RBFOX1: variants seen among roughly 807,000 people sequenced by gnomAD.
RBFOX1 encodes RNA binding fox-1 homolog 1, also known as RNA binding protein fox-1 homolog 1.
A neutral mutation model predicts 57.7 loss-of-function variants in RBFOX1; 8 were observed. The observed-to-expected ratio is 0.14, with a 90% CI of 0.08 to 0.25. RBFOX1 has a LOEUF of 0.25. Among genes scored for constraint, RBFOX1 ranks in the 10% least tolerant of loss-of-function variants. The pLI is 1.00. For synonymous variants in RBFOX1, 326 were observed against 222.4 expected (o/e 1.47, Z -4.15); for missense variants, 611 against 548.5 (o/e 1.11, Z -1.14).
intron 4 of RBFOX1, among the ~76,000 whole-genome samples, chr16:7,170,268 G>A (rs2080424003): frequency 6.6e-6 from 1 of 152,058 alleles, no homozygotes; most frequent in South Asian, 2.1e-4. Flanking sequence ...CCTCACCACT[G>A]TTAATTGAGC....
At chr16:5,800,644 C>G (rs944574261) in intron 3 of RBFOX1, among the ~76,000 whole-genome samples, 1 of 152,150 alleles carries the variant, frequency 6.6e-6, no homozygotes, top group Admixed American at 6.5e-5. Context: ...GGCCTATTAC[C>G]TAGTTTCACG....
intron 2 of RBFOX1, among the ~76,000 whole-genome samples, chr16:6,405,987 C>T (rs1175729365): frequency 2.0e-5 from 3 of 152,204 alleles, no homozygotes; most frequent in African/African-American, 7.2e-5. Context: ...ATACTGTGTG[C>T]AGGAAGGTGA....
chr16:6,967,073 A>G (rs1450656809), intron 3 of RBFOX1, among the ~76,000 whole-genome samples: 3 of 152,108 alleles, frequency 2.0e-5, no homozygotes, highest in Non-Finnish European at 2.9e-5. Context: ...ATATCTATAC[A>G]TTCATCCACC....
At chr16:5,920,255 A>T (rs1747765859) in intron 4 of RBFOX1, among the ~76,000 whole-genome samples, 1 of 152,160 alleles carries the variant, frequency 6.6e-6, no homozygotes, top group Non-Finnish European at 1.5e-5. Context: ...TCCTTTCTGT[A>T]GAAGGAAGTA....
intron 4 of RBFOX1, among the ~76,000 whole-genome samples, chr16:7,242,849 G>A (rs1322829210): frequency 6.6e-6 from 1 of 152,180 alleles, no homozygotes; most frequent in African/African-American, 2.4e-5. Flanking sequence ...TTTGGACTGT[G>A]CTGGTGAGAG....
At chr16:6,629,955 G>T (rs2098362312) in intron 2 of RBFOX1, among the ~76,000 whole-genome samples, 1 of 123,614 alleles carries the variant, frequency 8.1e-6, no homozygotes. Context: ...CCTTATTTCG[G>T]TAGGTTTTTT....
At chr16:5,314,610 C>A (rs1016061411) in intron 1 of RBFOX1, among the ~76,000 whole-genome samples, 1 of 152,170 alleles carries the variant, frequency 6.6e-6, no homozygotes, top group Non-Finnish European at 1.5e-5. Context: ...AAGTGATCCT[C>A]CTTTCTCAGC....
chr16:6,519,592 T>G (rs1275090413), intron 2 of RBFOX1, among the ~76,000 whole-genome samples: 1 of 152,054 alleles, frequency 6.6e-6, no homozygotes, highest in Non-Finnish European at 1.5e-5. Flanking sequence ...TTCCAGCTAC[T>G]CAGGAGGCTG....
At chr16:6,606,538 C>T (rs1274215734) in intron 2 of RBFOX1, among the ~76,000 whole-genome samples, 2 of 152,050 alleles carry the variant, frequency 1.3e-5, no homozygotes, top group Non-Finnish European at 2.9e-5. Context: ...TCTACGAGGC[C>T]CCATTGTGTG....
rs147347772 is a variant in RBFOX1, at chr16:6,488,620, T to C, written c.-63-165983T>C. 4.7e-3 allele frequency among the ~76,000 whole-genome samples: 714 copies of C among 152,330 alleles called. 4 individuals carry two copies. Among genetic ancestry groups the C allele is most frequent in the Non-Finnish European group, 8.0e-3 (544 of 68,030 alleles). ...CTGATTCCAATATGCTAAGATACCA[T>C]TGAAGTTTATTAATCTGAGTTTAGA... On this transcript the variant is annotated intron_variant, in intron 2 of 15. Coordinates refer to ENST00000550418, the MANE Select transcript of RBFOX1 (RefSeq NM_018723.4).
intron 12 of RBFOX1, among the ~76,000 whole-genome samples, chr16:7,658,923 C>T (rs1427918413): frequency 6.6e-6 from 1 of 152,182 alleles, no homozygotes; most frequent in African/African-American, 2.4e-5. Flanking sequence ...CAGGGTTTCA[C>T]CATATTGGCC....
intron 2 of RBFOX1, among the ~76,000 whole-genome samples, chr16:5,510,177 A>T (rs2043532358): frequency 6.6e-6 from 1 of 152,194 alleles, no homozygotes; most frequent in African/African-American, 2.4e-5. Context: ...CAGTTTCCTC[A>T]TGGCTAAAAT....
chr16:6,713,843 C>T (rs971138835), intron 3 of RBFOX1, among the ~76,000 whole-genome samples: 1 of 152,150 alleles, frequency 6.6e-6, no homozygotes, highest in African/African-American at 2.4e-5. Flanking sequence ...AGGGTGATGG[C>T]AAGATCCTTG....
chr16:7,326,727 A>G (rs1307910274), intron 4 of RBFOX1, among the ~76,000 whole-genome samples: 1 of 152,004 alleles, frequency 6.6e-6, no homozygotes, highest in Non-Finnish European at 1.5e-5. Context: ...AGAAACATAA[A>G]AGGGCGACAG....
intron 1 of RBFOX1, among the ~76,000 whole-genome samples, chr16:6,156,371 T>C (rs1387554256): frequency 6.6e-6 from 1 of 152,210 alleles, no homozygotes; most frequent in Non-Finnish European, 1.5e-5. Flanking sequence ...GAATCATGGT[T>C]GGCTTTGACT....
Position 5,639,195 on chromosome 16 carries a change from T to C in RBFOX1, c.318+40234T>C, listed in dbSNP as rs146793406. Among the ~76,000 whole-genome samples, 3 of 152,332 alleles carry C rather than the reference T, an allele frequency of 2.0e-5. No individual in the cohort carries two copies. In the East Asian group the frequency reaches 5.8e-4, roughly 29 times the overall value. The stretch of plus-strand genomic sequence containing the variant: ...TTGCTTTTGGCTTCCTCTTGCGTGA[T>C]ACGTTCTAGAATTGTGTGCACACAT... On this transcript the variant is annotated intron_variant, in intron 3 of 19. Coordinates refer to the RBFOX1 transcript ENST00000641259.
rs547092327 is a variant in RBFOX1 at position 7,461,213 on chromosome 16, GC to G, written c.28-56933del. On this transcript the variant is annotated intron_variant, in intron 4 of 15. Coordinates refer to ENST00000550418, the MANE Select transcript of RBFOX1 (RefSeq NM_018723.4). ...TGAGACAGTCTCACCCTGTCCCCAG[GC>G]TGGAGTGCAGTGGCACTATCTCGGC... is the stretch of plus-strand genomic sequence containing the variant. Among the ~76,000 whole-genome samples, 149 of 151,946 alleles carry G rather than the reference GC, an allele frequency of 9.8e-4. 1 individual carries two copies. The highest frequency in any genetic ancestry group is 3.4e-3 in the Middle Eastern group (1 of 294).
At chr16:6,938,214 A>G (rs925894912) in intron 3 of RBFOX1, among the ~76,000 whole-genome samples, 5 of 152,216 alleles carry the variant, frequency 3.3e-5, no homozygotes, top group African/African-American at 9.6e-5. Flanking sequence ...GTCATTGTCC[A>G]GATTAGATCA....
intron 1 of RBFOX1, among the ~76,000 whole-genome samples, chr16:6,212,975 A>T (rs112741502): frequency 3.9e-5 from 6 of 152,276 alleles, no homozygotes; most frequent in Admixed American, 2.0e-4. Context: ...TTCCCTTAAT[A>T]AGTGAAGTAT....
Sources: allele counts gnomAD v4.1 joint callset (sites outside exome capture counted in the v4.1 genomes callset), GRCh38; gene constraint gnomAD v4.1.1; transcripts MANE v1.5; gene names NCBI Gene and HGNC (gene_info 2026-07-23, HGNC 2026-07-21).